UBTD1: variants seen among roughly 807,000 people sequenced by gnomAD.
UBTD1 encodes ubiquitin domain containing 1.
In UBTD1, 19 loss-of-function variants were observed where a neutral mutation model predicts 21.7. That is an observed-to-expected ratio of 0.87 (90% CI 0.61 to 1.28). The LOEUF (loss-of-function observed/expected upper bound fraction) is 1.28. UBTD1 is among the 50% of genes most tolerant of loss of function. The pLI, the probability that UBTD1 is intolerant of heterozygous loss-of-function variation, is 0.00. For missense variants in UBTD1, 282 were observed against 315.1 expected (o/e 0.89, Z 0.80); for synonymous variants, 116 against 135.1 (o/e 0.86, Z 0.98).
intron 1 of UBTD1, among the ~76,000 whole-genome samples, chr10:97,526,158 C>T (rs900229911): frequency 6.6e-6 from 1 of 152,166 alleles, no homozygotes; most frequent in Non-Finnish European, 1.5e-5. Context: ...GCAGAGGATT[C>T]GATCTCTGGC....
At chr10:97,564,540 A>G (rs973876488) in intron 1 of UBTD1, among the ~76,000 whole-genome samples, 2 of 152,042 alleles carry the variant, frequency 1.3e-5, no homozygotes, top group African/African-American at 4.8e-5. Context: ...ACATAATAAG[A>G]ACCTTGGTCT....
At chr10:97,561,603 T>C (rs565873674) in intron 1 of UBTD1, among the ~76,000 whole-genome samples, 1 of 152,268 alleles carries the variant, frequency 6.6e-6, no homozygotes, top group East Asian at 1.9e-4. Context: ...TTCTATACAA[T>C]GTCTGGAATC....
chr10:97,517,289 G>C (rs2040448567), intron 1 of UBTD1, among the ~76,000 whole-genome samples: 1 of 152,192 alleles, frequency 6.6e-6, no homozygotes, highest in Non-Finnish European at 1.5e-5. Context: ...TGGGCAGCTA[G>C]AGGAGTGGAG....
intron 1 of UBTD1, among the ~76,000 whole-genome samples, chr10:97,515,636 T>C (rs1425165802): frequency 6.6e-6 from 1 of 152,218 alleles, no homozygotes; most frequent in Admixed American, 6.5e-5. Context: ...CTGCTTCTCT[T>C]TGAGCTTCCT....
At chr10:97,500,485 A>T (rs1374381294) in intron 1 of UBTD1, among the ~76,000 whole-genome samples, 2 of 152,234 alleles carry the variant, frequency 1.3e-5, no homozygotes. Flanking sequence ...GTCTGAAGGT[A>T]ACTCTGGCCA....
intron 1 of UBTD1, among the ~76,000 whole-genome samples, chr10:97,547,203 C>T (rs529901593): frequency 1.1e-4 from 16 of 152,316 alleles, no homozygotes; most frequent in African/African-American, 3.9e-4. Flanking sequence ...CGTGCCGGTG[C>T]CCGTTGGGTC....
At chr10:97,527,602 G>T (rs2040495728) in intron 1 of UBTD1, among the ~76,000 whole-genome samples, 1 of 152,176 alleles carries the variant, frequency 6.6e-6, no homozygotes. Context: ...TGGTTTTCCA[G>T]GCAGAGTGTT....
At chr10:97,553,171 G>T (rs1420271923) in intron 1 of UBTD1, among the ~76,000 whole-genome samples, 1 of 152,102 alleles carries the variant, frequency 6.6e-6, no homozygotes, top group African/African-American at 2.4e-5. Flanking sequence ...CACTCTTGTT[G>T]CCCAGGCTGG....
At chr10:97,503,960 G>A (rs930324665) in intron 1 of UBTD1, among the ~76,000 whole-genome samples, 1 of 151,982 alleles carries the variant, frequency 6.6e-6, no homozygotes, top group African/African-American at 2.4e-5. Context: ...CTAGTTTAAC[G>A]TGTCCAAAAC....
intron 1 of UBTD1, among the ~76,000 whole-genome samples, chr10:97,538,744 G>A (rs2040574614): frequency 6.6e-6 from 1 of 152,158 alleles, no homozygotes; most frequent in Admixed American, 6.5e-5. Flanking sequence ...TTTTTGCACA[G>A]AATCTGGTAA....
At chr10:97,561,912 A>G (rs2040694458) in intron 1 of UBTD1, among the ~76,000 whole-genome samples, 1 of 151,940 alleles carries the variant, frequency 6.6e-6, no homozygotes, top group Non-Finnish European at 1.5e-5. Flanking sequence ...CTCTTTCTGG[A>G]CTCTCTGTTC....
intron 1 of UBTD1, among the ~76,000 whole-genome samples, chr10:97,559,815 T>C (rs1391537837): frequency 6.6e-6 from 1 of 152,214 alleles, no homozygotes; most frequent in East Asian, 1.9e-4. Context: ...TTAGCTAATA[T>C]GTTTACACAC....
At chr10:97,507,033 A>G (rs778890518) in intron 1 of UBTD1, among the ~76,000 whole-genome samples, 1 of 152,192 alleles carries the variant, frequency 6.6e-6, no homozygotes, top group Non-Finnish European at 1.5e-5. Flanking sequence ...TATTTTGTGT[A>G]TATACCCAGA....
intron 1 of UBTD1, among the ~76,000 whole-genome samples, chr10:97,515,934 A>C (rs2040442347): frequency 6.6e-6 from 1 of 152,218 alleles, no homozygotes; most frequent in Non-Finnish European, 1.5e-5. Flanking sequence ...TGACAGCCAC[A>C]AAGCCGGGTG....
chr10:97,531,197 A>T (rs1357780824), intron 1 of UBTD1, among the ~76,000 whole-genome samples: 6 of 145,020 alleles, frequency 4.1e-5, no homozygotes, highest in African/African-American at 7.6e-5. Context: ...TATTTTTTTT[A>T]AATTTAACAT....
At chr10:97,551,333 C>T (rs932488771) in intron 1 of UBTD1, among the ~76,000 whole-genome samples, 4 of 150,542 alleles carry the variant, frequency 2.7e-5, no homozygotes, top group Non-Finnish European at 5.9e-5. Flanking sequence ...CCCAGGAGTT[C>T]GAGACCAGCC....
intron 1 of UBTD1, among the ~76,000 whole-genome samples, chr10:97,508,157 G>C (rs762464607): frequency 1.5e-4 from 23 of 152,220 alleles, no homozygotes; most frequent in Non-Finnish European, 2.9e-4. Flanking sequence ...AGATGAAGAA[G>C]CTGAGCCTTA....
Position 97,527,847 on chromosome 10 carries a change from A to C in UBTD1, c.70+28574A>C, listed in dbSNP as rs989072730. ...ACAAAATGAAAAGTCTCCCATGTCT[A>C]CTTCTTTCTACACAGACACAGCAAC... On this transcript the variant is annotated intron_variant, in intron 1 of 2. Transcript: ENST00000370664. Among the ~76,000 whole-genome samples, 8 of 152,250 alleles carry C rather than the reference A, an allele frequency of 5.3e-5. No individual in the cohort carries two copies. The East Asian group carries it at 5.8e-4, about 11-fold the overall frequency.
chr10:97,531,799 A>G (rs2040533539), intron 1 of UBTD1, among the ~76,000 whole-genome samples: 2 of 152,196 alleles, frequency 1.3e-5, no homozygotes, highest in Non-Finnish European at 2.9e-5. Context: ...TAGGCCCACA[A>G]CAGTCTCCCC....
Sources: gnomAD v4.1 joint callset for allele counts (sites outside exome capture counted in the v4.1 genomes callset) on GRCh38, gnomAD v4.1.1 for gene constraint, MANE v1.5 for transcripts, NCBI Gene and HGNC (gene_info 2026-07-23, HGNC 2026-07-21) for gene names.